Variants in BCAS3 observed in about 807,000 individuals in gnomAD.
BCAS3 encodes BCAS4/BCAS3 fusion.
Under a neutral mutation model 116.1 loss-of-function variants are expected in BCAS3, and 53 were observed. The observed-to-expected ratio is 0.46, with a 90% CI of 0.37 to 0.57. The LOEUF (loss-of-function observed/expected upper bound fraction) is 0.57. Among genes scored for constraint, BCAS3 ranks in the 20% least tolerant of loss-of-function variants. The pLI, the probability that BCAS3 is intolerant of heterozygous loss-of-function variation, is 0.00. For synonymous variants in BCAS3, 391 were observed against 408.2 expected, an observed-to-expected ratio of 0.96 and a Z score of 0.51; for missense variants, 917 against 1,165.4, an observed-to-expected ratio of 0.79 and a Z score of 3.10.
rs1314127832 is a variant in BCAS3 at position 61,032,061 on chromosome 17, A to G, written c.1638-2605A>G. Reference sequence around the variant, plus strand: ...TACAAAAAATATTTTTTGTATGTCAAAAAACTAAATTGACGTCCTCTCATT... The same window carrying G: ...TACAAAAAATATTTTTTGTATGTCAGAAAACTAAATTGACGTCCTCTCATT... On this transcript the variant is annotated intron_variant, in intron 16 of 23. Transcript: ENST00000407086. The surrounding 1 kb of genome is among the most constrained non-coding windows in gnomAD (Gnocchi z 4.6). Among the ~76,000 whole-genome samples the G allele has an allele frequency of 2.0e-5, 3 of 152,270 alleles. No homozygotes were observed. In the South Asian group the frequency reaches 6.2e-4, roughly 32 times the overall value.
At chr17:60,902,812 C>G in intron 11 of BCAS3, 109 bp downstream of exon 11, 1 of 876,168 alleles carries the variant, frequency 1.1e-6, no homozygotes, top group Non-Finnish European at 1.8e-6. Context: ...TGTACTTATC[C>G]AATTTTAAAG....
intron 7 of BCAS3, among the ~76,000 whole-genome samples, chr17:60,809,176 C>T (rs895580484): frequency 1.6e-4 from 24 of 151,076 alleles, no homozygotes; most frequent in East Asian, 3.9e-4. Flanking sequence ...CCCAACTACC[C>T]GGAAGGCTGA....
Position 61,365,919 on chromosome 17 carries a change from G to A in BCAS3, c.2426-2408G>A, listed in dbSNP as rs1178842018. ...GCACTTTGGGAGGCCAAGACAGGTG[G>A]ATCGTTTGAGATCAGAAGTTCAAGA... On this transcript the variant is annotated intron_variant, in intron 22 of 23. Coordinates refer to ENST00000407086, the MANE Select transcript of BCAS3 (RefSeq NM_017679.5). This position sits in a 1 kb window ranked among gnomAD's most constrained non-coding sequence, Gnocchi z 4.6. 6.6e-6 allele frequency among the ~76,000 whole-genome samples: 1 copy of A among 152,058 alleles called. No individual in the cohort carries two copies. Among genetic ancestry groups the A allele is most frequent in the African/African-American group, 2.4e-5 (1 of 41,408 alleles).
At chr17:61,015,082 A>G (rs2065360648) in intron 15 of BCAS3, among the ~76,000 whole-genome samples, 1 of 152,190 alleles carries the variant, frequency 6.6e-6, no homozygotes. Flanking sequence ...TCCAGATTAA[A>G]TGTAATCCCT....
rs529967463 is a variant in BCAS3 at position 61,105,641 on chromosome 17, G to A, written c.2425+21077G>A. 6.6e-6 allele frequency among the ~76,000 whole-genome samples: 1 copy of A among 152,162 alleles called. No individual in the cohort carries two copies. Among genetic ancestry groups the A allele is most frequent in the East Asian group, 1.9e-4 (1 of 5,164 alleles). ...GGGGTTTCTCCATGTTGGTCAGGCT[G>A]GTCTCGAACTCCCCACCTCAGGTGA... On this transcript the variant is annotated intron_variant, in intron 22 of 23. Transcript: ENST00000407086. The surrounding 1 kb of genome is among the most constrained non-coding windows in gnomAD (Gnocchi z 4.3).
intron 22 of BCAS3, among the ~76,000 whole-genome samples, chr17:61,119,616 A>G (rs1440250820): frequency 6.6e-6 from 1 of 152,094 alleles, no homozygotes; most frequent in Non-Finnish European, 1.5e-5. Context: ...TAAAATCATG[A>G]AAGAGGCAAT....
intron 6 of BCAS3, among the ~76,000 whole-genome samples, chr17:60,760,788 G>C (rs1199793503): frequency 6.6e-6 from 1 of 152,064 alleles, no homozygotes; most frequent in Non-Finnish European, 1.5e-5. Context: ...CTAACATTTT[G>C]TTAAATAGGT....
chr17:60,821,103 TG>T (rs1396102619), intron 7 of BCAS3, among the ~76,000 whole-genome samples: 1 of 152,058 alleles, frequency 6.6e-6, no homozygotes, highest in African/African-American at 2.4e-5. Context: ...CTTGCCATCA[TG>T]CCTGGCTAAT....
At chr17:61,268,210 A>C (rs780469182) in intron 22 of BCAS3, among the ~76,000 whole-genome samples, 1 of 152,292 alleles carries the variant, frequency 6.6e-6, no homozygotes, top group Non-Finnish European at 1.5e-5. Context: ...TTGACTACTC[A>C]GACTTGCAAA....
chr17:61,374,187 CTTT>C (rs547428310), intron 23 of BCAS3, among the ~76,000 whole-genome samples: 7 of 132,400 alleles, frequency 5.3e-5, no homozygotes, highest in African/African-American at 1.9e-4. Flanking sequence ...TGTTAACTTC[CTTT>C]TTTTTTTTTT....
At chr17:60,913,170 C>G (rs929076421) in intron 12 of BCAS3, among the ~76,000 whole-genome samples, 1 of 151,960 alleles carries the variant, frequency 6.6e-6, no homozygotes, top group Admixed American at 6.5e-5. Flanking sequence ...GCATTGATAA[C>G]ACTTGAAACA....
At chr17:61,031,981 G>A (rs989047371) in intron 16 of BCAS3, among the ~76,000 whole-genome samples, 1 of 152,102 alleles carries the variant, frequency 6.6e-6, no homozygotes, top group Non-Finnish European at 1.5e-5. Flanking sequence ...ACTTATAGAT[G>A]TATAAGAGAT....
At chr17:60,811,003 A>G in intron 7 of BCAS3, 1 of 665,184 alleles carries the variant, frequency 1.5e-6, no homozygotes, top group Non-Finnish European at 2.8e-6. Context: ...AGAGAGCACC[A>G]CAGTGGTCAC....
rs1370247737 is a variant in BCAS3, at chr17:61,327,175, C to T, written c.2426-41152C>T. 1.3e-5 allele frequency among the ~76,000 whole-genome samples: 2 copies of T among 151,756 alleles called. No homozygotes were observed. The highest frequency in any genetic ancestry group is 6.6e-5 in the Admixed American group (1 of 15,246). On this transcript the variant is annotated intron_variant, in intron 22 of 23. Coordinates refer to ENST00000407086, the MANE Select transcript of BCAS3 (RefSeq NM_017679.5). The surrounding 1 kb of genome is among the most constrained non-coding windows in gnomAD (Gnocchi z 5.9). ...AAAATTAGCTGGGTGTGGTGGCGGG[C>T]GCCTGTAGTCCCAGCTACTAGGGAG... is the stretch of plus-strand genomic sequence containing the variant.
At chr17:60,854,892 G>A (rs906109658) in intron 7 of BCAS3, among the ~76,000 whole-genome samples, 25 of 150,260 alleles carry the variant, frequency 1.7e-4, no homozygotes, top group African/African-American at 5.7e-4. Flanking sequence ...TTAACAAACT[G>A]TGGTATATTC....
At position 61,344,151 on chromosome 17, in the gene BCAS3, G is replaced by A. The variant is rs1414865130; in HGVS notation, c.2426-24176G>A. 6.6e-6 allele frequency among the ~76,000 whole-genome samples: 1 copy of A among 152,116 alleles called. No homozygotes were observed. Among genetic ancestry groups the A allele is most frequent in the Non-Finnish European group, 1.5e-5 (1 of 68,034 alleles). On this transcript the variant is annotated intron_variant, in intron 22 of 23. Coordinates refer to ENST00000407086, the MANE Select transcript of BCAS3 (RefSeq NM_017679.5). The surrounding 1 kb of genome is among the most constrained non-coding windows in gnomAD (Gnocchi z 4.1). ...AGAGAGCATGCAGCTGAGTCTAAGA[G>A]AGGCTTCACTGATACCCATAAGGAG...
At chr17:61,033,700 A>G (rs2066811907) in intron 16 of BCAS3, among the ~76,000 whole-genome samples, 1 of 152,188 alleles carries the variant, frequency 6.6e-6, no homozygotes, top group African/African-American at 2.4e-5. Context: ...GATCTTTACC[A>G]GTGCACGATG....
At chr17:60,902,763 C>G in intron 11 of BCAS3, 60 bp downstream of exon 11, 1 of 1,280,040 alleles carries the variant, frequency 7.8e-7, no homozygotes, top group Admixed American at 1.7e-5. Flanking sequence ...TCAGATTTCT[C>G]TCCTGAATTA....
intron 22 of BCAS3, among the ~76,000 whole-genome samples, chr17:61,290,894 C>T (rs571318058): frequency 1.1e-4 from 17 of 152,244 alleles, no homozygotes; most frequent in African/African-American, 4.1e-4. Context: ...CATTCTCCTG[C>T]CTCAGCCTCC....
Sources: allele counts gnomAD v4.1 joint callset (sites outside exome capture counted in the v4.1 genomes callset), GRCh38; gene constraint gnomAD v4.1.1; non-coding constraint Gnocchi (gnomAD v3.1); transcripts MANE v1.5; gene names NCBI Gene and HGNC (gene_info 2026-07-23, HGNC 2026-07-21).